The following SERINC4 variants were observed in gnomAD, a reference collection of about 807,000 sequenced individuals.
The protein encoded by SERINC4 is serine incorporator 4.
A neutral mutation model predicts 52.0 loss-of-function variants in SERINC4; 52 were observed. That is an observed-to-expected ratio of 1.00 (90% CI 0.80 to 1.26). The LOEUF is 1.26. Ranked by LOEUF, SERINC4 falls within the 50% of genes most tolerant of loss-of-function variation. The pLI, the probability that SERINC4 is intolerant of heterozygous loss-of-function variation, is 0.00. For synonymous variants in SERINC4, 264 were observed against 247.7 expected, an observed-to-expected ratio of 1.07 and a Z score of -0.62; for missense variants, 723 against 632.8, an observed-to-expected ratio of 1.14 and a Z score of -1.53.
Position 43,795,559 on chromosome 15 carries a change from C to G in SERINC4, c.1190-18G>C. The G allele has an allele frequency of 6.2e-7, 1 of 1,614,048 alleles. No individual in the cohort carries two copies. The highest frequency in any genetic ancestry group is 8.5e-7 in the Non-Finnish European group (1 of 1,179,952). ...CCTTTGCCCTGGAGAGAGGAAATGG[C>G]TGCTGGGAGCAGAGCTGCTGAAACA... On this transcript the variant is annotated intron_variant, in intron 10 of 11. Coordinates refer to ENST00000319327, the MANE Select transcript of SERINC4 (RefSeq NM_001258031.2).
chr15:43,797,265 GCACAGCTCC>G lies in SERINC4; in HGVS notation c.715_723del (p.Gly239_Val241del). ...GGGTGTGTATAATAGTGGAATAGGA[GCACAGCTCC>G]CACACCTGCCATGCTGTAGAATCCT... On this transcript the variant is annotated inframe_deletion, in exon 6 of 12. Transcript: ENST00000319327. 1 of 1,550,250 alleles carries G rather than the reference GCACAGCTCC, an allele frequency of 6.5e-7. No homozygotes were observed. The highest frequency in any genetic ancestry group is 8.7e-7 in the Non-Finnish European group (1 of 1,146,954).
rs773316785 is a variant in SERINC4, at chr15:43,799,092, CAG to C, written c.323_324del (p.Ser108Ter). ...CCAGAGCCACTGAGCACTGGACAGT[CAG>C]AGAGGCCAAACAGGTGGGCACACAA... is the stretch of plus-strand genomic sequence containing the variant. Reference protein sequence around the residue: ...SGLCAHLFGLSDCPVLSGSGA... With the variant: ...SGLCAHLFGLXDCPVLSGSGA... On this transcript the variant is annotated frameshift_variant, in exon 3 of 12. Coordinates refer to ENST00000319327, the MANE Select transcript of SERINC4 (RefSeq NM_001258031.2). LOFTEE classifies it high-confidence loss of function. 9.0e-6 allele frequency: 14 copies of C among 1,550,510 alleles called. No homozygotes were observed. Among genetic ancestry groups the C allele is most frequent in the South Asian group, 4.8e-5 (4 of 84,058 alleles).
At chr15:43,795,947 A>C in intron 9 of SERINC4, 1 of 642,654 alleles carries the variant, frequency 1.6e-6, no homozygotes, top group Non-Finnish European at 2.7e-6. Context: ...AAATGGAGCA[A>C]ATACCTACCT....
At position 43,795,032 on chromosome 15, in the gene SERINC4, T is replaced by C; in HGVS notation, c.1525A>G (p.Ile509Val). Residue 509 changes from isoleucine to valine, a missense_variant, in exon 12 of 12, where the codon ATA (isoleucine) becomes GTA (valine). Physicochemically the swap from Ile to Val is conservative, Grantham distance 29. Transcript: ENST00000319327. ...LILRRRRHRI[I>V]SPDNKYPPV ...GGAGGATATTTGTTATCTGGGGATA[T>C]GATGCGGTGGCGGCGGCGCCTCAAG... is the stretch of plus-strand genomic sequence containing the variant. 2 of 1,612,248 alleles carry C rather than the reference T, an allele frequency of 1.2e-6. No individual in the cohort carries two copies. Among genetic ancestry groups the C allele is most frequent in the Non-Finnish European group, 1.7e-6 (2 of 1,179,882 alleles).
chr15:43,799,321 T>G lies in SERINC4; in HGVS notation c.268A>C (p.Lys90Gln), dbSNP rs1479528405. 1 of 1,550,766 alleles carries G rather than the reference T, an allele frequency of 6.4e-7. No individual in the cohort carries two copies. The highest frequency in any genetic ancestry group is 2.0e-5 in the Admixed American group (1 of 50,984). The change falls in exon 2 of 12, where the codon AAG becomes CAG. Residue 90 changes from lysine (K) to glutamine (Q), a missense_variant. Coordinates refer to ENST00000319327, the MANE Select transcript of SERINC4 (RefSeq NM_001258031.2). Reference protein sequence around the residue: ...SRTVVERVWGKTHRIQMPSGL... With the variant: ...SRTVVERVWGQTHRIQMPSGL... ...CCCCTCTCACTTACCCTGTGTGTCT[T>G]GCCCCACACCCTTTCCACTACTGTC...
Position 43,797,256 on chromosome 15 carries a change from G to A in SERINC4, c.733C>T (p.His245Tyr). 3 of 1,550,430 alleles carry A rather than the reference G, an allele frequency of 1.9e-6. No homozygotes were observed. Among genetic ancestry groups the A allele is most frequent in the South Asian group, 1.2e-5 (1 of 84,042 alleles). The change falls in exon 6 of 12, where the codon CAC becomes TAC. Residue 245 changes from histidine to tyrosine, a missense_variant. His to Tyr is a moderately conservative substitution (Grantham distance 83). Transcript: ENST00000319327. ...CAGCCAGCTGGGTGTGTATAATAGT[G>A]GAATAGGAGCACAGCTCCCACACCT... The part of the protein sequence containing the change: ...MAGVGAVLLF[H>Y]YYTHPAGCLL...
chr15:43,796,572 G>A (rs1259001407), intron 8 of SERINC4, 44 bp downstream of exon 8: 1 of 1,606,906 alleles, frequency 6.2e-7, no homozygotes, highest in Non-Finnish European at 8.5e-7. Context: ...TCCCTGTCTT[G>A]GGCACCCTCC....
chr15:43,795,233 G>C lies in SERINC4; in HGVS notation c.1344-20C>G. 3.7e-6 allele frequency: 6 copies of C among 1,612,124 alleles called. No homozygotes were observed. The highest frequency in any genetic ancestry group is 5.1e-6 in the Non-Finnish European group (6 of 1,178,250). ...TCATAGCTGTGTAACCAAAGGCTCT[G>C]GTTAGAGAATATGAAGGGCCTTAGC... On this transcript the variant is annotated intron_variant, in intron 11 of 11. Coordinates refer to ENST00000319327, the MANE Select transcript of SERINC4 (RefSeq NM_001258031.2).
intron 5 of SERINC4, 184 bp downstream of exon 5, chr15:43,797,736 A>G: frequency 1.7e-6 from 1 of 586,492 alleles, no homozygotes; most frequent in Non-Finnish European, 3.1e-6. Context: ...CCCTGCTCTC[A>G]GAAGACTGGT....
Position 43,795,678 on chromosome 15 carries a change from T to G in SERINC4, c.1189+10A>C, listed in dbSNP as rs2087197221. ...CTACCACTTCTTATGGTTCCTCACT[T>G]GGCACTCACCTTTGTCTGCCTCCAC... On this transcript the variant is annotated intron_variant, in intron 10 of 11. Coordinates refer to ENST00000319327, the MANE Select transcript of SERINC4 (RefSeq NM_001258031.2). The G allele has an allele frequency of 6.2e-7, 1 of 1,613,894 alleles. No homozygotes were observed.
At chr15:43,798,602 G>A (rs2087257685) in intron 3 of SERINC4, 98 bp from the exon 4 acceptor site, 12 of 870,414 alleles carry the variant, frequency 1.4e-5, no homozygotes, top group South Asian at 7.0e-5. Context: ...CAAAAATATA[G>A]GAAAGAGGAC....
At position 43,794,884 on chromosome 15, in the gene SERINC4, G is replaced by T. The variant is rs2087165880; in HGVS notation, c.*116C>A. ...CTTCCAGTTCATAGTATTGACTTCA[G>T]CCCAAACGGAGATAACTCCCTGTGT... On this transcript the variant is annotated 3_prime_UTR_variant, in exon 12 of 12. Coordinates refer to ENST00000319327, the MANE Select transcript of SERINC4 (RefSeq NM_001258031.2). 2 of 793,294 alleles carry T rather than the reference G, an allele frequency of 2.5e-6. No homozygotes were observed. The highest frequency in any genetic ancestry group is 1.7e-5 in the South Asian group (1 of 60,056). The allele number at this position is 793,294 out of a possible 1,614,324, so 49.1% of individuals were successfully genotyped here. A position where few individuals can be genotyped will look rare whatever the true frequency, so the allele number is the denominator to read the frequency against.
Position 43,799,923 on chromosome 15 carries a change from CGCTGTGCT to C in SERINC4, c.56_63del (p.Gln19ArgfsTer29). 1.9e-6 allele frequency: 3 copies of C among 1,549,788 alleles called. No homozygotes were observed. The highest frequency in any genetic ancestry group is 2.6e-6 in the Non-Finnish European group (3 of 1,146,676). On this transcript the variant is annotated frameshift_variant, in exon 1 of 12. Transcript: ENST00000319327. LOFTEE classifies it high-confidence loss of function. The stretch of plus-strand genomic sequence containing the variant: ...CTTTTCACTAGGACACTGCTGCCTC[CGCTGTGCT>C]GCTGTGCCAGGCCCAGGGAGGTGCC...
In SERINC4 at chr15:43,799,433, G is replaced by C; in HGVS notation, c.156C>G (p.Pro52=). The stretch of plus-strand genomic sequence containing the variant: ...GGCTGCAAGTGGATGCGGTGAGAGA[G>C]GGCCACCTAGAGTGGCAGCAGCTGG... ...PCASCCHSRW[P]SLTASTCSRL... The change falls in exon 2 of 12, where the codon CCC becomes CCG. Residue 52 remains proline, a synonymous_variant. Transcript: ENST00000319327. 1 of 1,550,768 alleles carries C rather than the reference G, an allele frequency of 6.4e-7. No individual in the cohort carries two copies. Among genetic ancestry groups the C allele is most frequent in the Non-Finnish European group, 8.7e-7 (1 of 1,146,994 alleles).
At chr15:43,796,388 G>C in intron 8 of SERINC4, 161 bp from the exon 9 acceptor site, 1 of 715,860 alleles carries the variant, frequency 1.4e-6, no homozygotes, top group Admixed American at 2.7e-5. Context: ...AGAGCCCTAA[G>C]GTCTTTGGAC....
intron 10 of SERINC4, 31 bp from the exon 11 acceptor site, chr15:43,795,572 A>G: frequency 6.2e-7 from 1 of 1,613,724 alleles, no homozygotes; most frequent in Non-Finnish European, 8.5e-7. Context: ...CTGGGAGCAG[A>G]GCTGCTGAAA....
At position 43,796,618 on chromosome 15, in the gene SERINC4, A is replaced by C; in HGVS notation, c.1065T>G (p.Ala355=). Residue 355 remains alanine, a splice_region_variant and synonymous_variant, in exon 8 of 12, where the codon GCT becomes GCG. Coordinates refer to ENST00000319327, the MANE Select transcript of SERINC4 (RefSeq NM_001258031.2). The part of the protein sequence containing the change: ...ASIMYACVLF[A]CNEASYLAEV... ...CCACCCTTGACACCTTTACGCACCA[A>C]GCAAAAAGCACACAAGCATACATGA... 6.2e-7 allele frequency: 1 copy of C among 1,614,006 alleles called. No homozygotes were observed. The highest frequency in any genetic ancestry group is 2.2e-5 in the East Asian group (1 of 44,878).
chr15:43,799,539 C>T, intron 1 of SERINC4, 53 bp from the exon 2 acceptor site: 2 of 1,547,578 alleles, frequency 1.3e-6, no homozygotes, highest in Non-Finnish European at 8.7e-7. Flanking sequence ...TGAGGAAAGG[C>T]ATACGTTAAT....
chr15:43,795,835 G>A, intron 9 of SERINC4, 99 bp from the exon 10 acceptor site: 1 of 1,252,164 alleles, frequency 8.0e-7, no homozygotes, highest in Non-Finnish European at 1.1e-6. Flanking sequence ...GTATTAAAAA[G>A]TGGAGGCACA....
Sources: allele counts gnomAD v4.1 joint callset, GRCh38; gene constraint gnomAD v4.1.1; transcripts MANE v1.5; gene names NCBI Gene and HGNC (gene_info 2026-07-23, HGNC 2026-07-21).